GARRE1: variants seen among roughly 807,000 people sequenced by gnomAD.
GARRE1 encodes granule associated Rac and RHOG effector 1, also known as granule associated Rac and RHOG effector protein 1.
In GARRE1, 49 loss-of-function variants were observed where a neutral mutation model predicts 103.2. That is an observed-to-expected ratio of 0.47 (90% CI 0.38 to 0.60). GARRE1 has a LOEUF of 0.60. Ranked by LOEUF, GARRE1 falls within the 20% of genes least tolerant of loss-of-function variation. The pLI, the probability that GARRE1 is intolerant of heterozygous loss-of-function variation, is 0.00. For synonymous variants in GARRE1, 505 were observed against 532.8 expected (o/e 0.95, Z 0.72); for missense variants, 1,199 against 1,370.5 (o/e 0.87, Z 1.98).
rs2074019874 is a variant in GARRE1 at position 34,308,232 on chromosome 19, C to G, written c.495+7264C>G. 2.1e-5 allele frequency among the ~76,000 whole-genome samples: 3 copies of G among 144,404 alleles called. No homozygotes were observed. In the East Asian group the frequency reaches 6.0e-4, roughly 29 times the overall value. 94.7% of individuals were successfully genotyped at this position (144,404 alleles called of 152,430 possible). A position where few individuals can be genotyped will look rare whatever the true frequency, so the allele number is the denominator to read the frequency against. On this transcript the variant is annotated intron_variant, in intron 2 of 13. Transcript: ENST00000299505. The stretch of plus-strand genomic sequence containing the variant: ...ACCTTAATGGAATTGAATGTGCATC[C>G]TGTTCCTTTTTTTTTTTTTTTTTTT...
chr19:34,321,332 T>A (rs1229404810), intron 3 of GARRE1, among the ~76,000 whole-genome samples: 1 of 148,770 alleles, frequency 6.7e-6, no homozygotes, highest in Non-Finnish European at 1.5e-5. Context: ...TGCCTTGGCC[T>A]CCCAAAGTGC....
Position 34,320,070 on chromosome 19 carries a change from C to T in GARRE1, c.659C>T (p.Thr220Ile). The change falls in exon 3 of 14, where the codon ACA becomes ATA. Residue 220 changes from threonine to isoleucine, a missense_variant. Thr to Ile is a moderately conservative substitution (Grantham distance 89, BLOSUM62 -1). Transcript: ENST00000299505. Reference protein sequence around the residue: ...SGGGLSGMGHTPEVEEAVRSW... With the variant: ...SGGGLSGMGHIPEVEEAVRSW... ...GGCGGCTTATCTGGCATGGGCCACA[C>T]ACCTGAAGTAGAGGAAGCTGTGCGG... 1.2e-6 allele frequency: 2 copies of T among 1,614,260 alleles called. No homozygotes were observed. The highest frequency in any genetic ancestry group is 1.7e-6 in the Non-Finnish European group (2 of 1,180,054).
chr19:34,340,793 C>T (rs1407270015), intron 9 of GARRE1, among the ~76,000 whole-genome samples: 2 of 152,218 alleles, frequency 1.3e-5, no homozygotes, highest in African/African-American at 4.8e-5. Flanking sequence ...GCTGGGATTA[C>T]AGGCGTGAGC....
chr19:34,349,939 G>A (rs1279551227), intron 12 of GARRE1, among the ~76,000 whole-genome samples: 1 of 152,098 alleles, frequency 6.6e-6, no homozygotes, highest in African/African-American at 2.4e-5. Flanking sequence ...CACACTTGTA[G>A]TCCCAGCTAC....
At chr19:34,294,785 T>A (rs1423875009) in intron 1 of GARRE1, among the ~76,000 whole-genome samples, 1 of 152,150 alleles carries the variant, frequency 6.6e-6, no homozygotes. Flanking sequence ...GCAATTCTCA[T>A]GCCTCAACTG....
chr19:34,256,378 A>G (rs941538872), intron 1 of GARRE1, among the ~76,000 whole-genome samples: 1 of 151,736 alleles, frequency 6.6e-6, no homozygotes, highest in Non-Finnish European at 1.5e-5. Context: ...ACATTAGCCA[A>G]GCATGGTGGC....
At chr19:34,334,905 T>C (rs1308544636) in intron 8 of GARRE1, among the ~76,000 whole-genome samples, 18 of 151,854 alleles carry the variant, frequency 1.2e-4, no homozygotes, top group Admixed American at 1.2e-3. Flanking sequence ...AGTACAAAAA[T>C]TAGCCGGGCG....
intron 1 of GARRE1, among the ~76,000 whole-genome samples, chr19:34,261,269 A>C (rs1281828910): frequency 6.6e-6 from 1 of 152,120 alleles, no homozygotes; most frequent in Non-Finnish European, 1.5e-5. Flanking sequence ...GAATGGGGAT[A>C]ATAGTAGCAC....
Position 34,340,019 on chromosome 19 carries a change from G to A in GARRE1, c.1487+27G>A, listed in dbSNP as rs749645515. The stretch of plus-strand genomic sequence containing the variant: ...TTGGTGTCTGTGGTTTGCATTAGAT[G>A]CATACCGAGGGACAGTGTGACTATG... On this transcript the variant is annotated intron_variant, in intron 9 of 13. Transcript: ENST00000299505. 2.5e-6 allele frequency: 4 copies of A among 1,613,244 alleles called. No homozygotes were observed. In the African/African-American group the frequency reaches 4.0e-5, roughly 16 times the overall value.
Position 34,254,624 on chromosome 19 carries a change from G to T in GARRE1, c.-796+10G>T, listed in dbSNP as rs1187288658. ...CCGGGGCGCGTCGCAGGTGAGGAGC[G>T]GGCGCGGCGGGCGCAGGCGGGGGCT... On this transcript the variant is annotated intron_variant, in intron 1 of 13. Transcript: ENST00000299505. 1.3e-5 allele frequency: 2 copies of T among 148,246 alleles called. No homozygotes were observed. The highest frequency in any genetic ancestry group is 3.0e-5 in the Non-Finnish European group (2 of 66,504). The allele number at this position is 148,246 out of a possible 1,614,324, so 9.2% of individuals were successfully genotyped here. A position where few individuals can be genotyped will look rare whatever the true frequency, so the allele number is the denominator to read the frequency against.
intron 7 of GARRE1, among the ~76,000 whole-genome samples, chr19:34,330,635 G>A (rs1223110312): frequency 6.6e-6 from 1 of 151,840 alleles, no homozygotes. Flanking sequence ...TGGGCCCCAT[G>A]GCTCATGCCT....
intron 2 of GARRE1, among the ~76,000 whole-genome samples, chr19:34,311,031 T>G (rs1041367643): frequency 5.3e-5 from 8 of 152,090 alleles, no homozygotes; most frequent in Admixed American, 1.3e-4. Flanking sequence ...TTTCACTTTG[T>G]TGCCCAGGGT....
intron 1 of GARRE1, among the ~76,000 whole-genome samples, chr19:34,282,049 A>G (rs1355268855): frequency 6.6e-6 from 1 of 151,708 alleles, no homozygotes; most frequent in Non-Finnish European, 1.5e-5. Context: ...ACCTTACTTC[A>G]TTCCCATTTT....
chr19:34,297,296 A>G (rs976467502), intron 1 of GARRE1, among the ~76,000 whole-genome samples: 10 of 152,208 alleles, frequency 6.6e-5, no homozygotes, highest in Admixed American at 5.2e-4. Flanking sequence ...TCAAAAAAAA[A>G]AATATTTTGA....
At chr19:34,281,023 A>C (rs958843940) in intron 1 of GARRE1, among the ~76,000 whole-genome samples, 7 of 152,184 alleles carry the variant, frequency 4.6e-5, no homozygotes, top group African/African-American at 1.7e-4. Context: ...CTTCCAATTC[A>C]AATGAAGGAT....
intron 1 of GARRE1, among the ~76,000 whole-genome samples, chr19:34,291,815 A>G (rs1226483947): frequency 6.6e-6 from 1 of 152,158 alleles, no homozygotes; most frequent in Non-Finnish European, 1.5e-5. Context: ...ATCACTCCCC[A>G]GAAAAGCTGT....
chr19:34,349,222 T>C (rs770518262), intron 12 of GARRE1, 69 bp downstream of exon 12: 151 of 1,532,706 alleles, frequency 9.9e-5, no homozygotes, highest in Non-Finnish European at 1.2e-4. Context: ...GCTCACTCCC[T>C]GGGAAAGCCA....
chr19:34,339,358 AG>A (rs1242599972), intron 8 of GARRE1, among the ~76,000 whole-genome samples: 1 of 152,234 alleles, frequency 6.6e-6, no homozygotes, highest in Non-Finnish European at 1.5e-5. Flanking sequence ...TTTATTATAA[AG>A]GATATTATAG....
intron 7 of GARRE1, among the ~76,000 whole-genome samples, chr19:34,331,101 G>C (rs1213194410): frequency 6.6e-6 from 1 of 151,564 alleles, no homozygotes; most frequent in Non-Finnish European, 1.5e-5. Flanking sequence ...GGGTTTCACT[G>C]TGTTGGCCAG....
Sources: allele counts gnomAD v4.1 joint callset (sites outside exome capture counted in the v4.1 genomes callset), GRCh38; gene constraint gnomAD v4.1.1; transcripts MANE v1.5; gene names NCBI Gene and HGNC (gene_info 2026-07-23, HGNC 2026-07-21).